CAMTA1: variants seen among roughly 807,000 people sequenced by gnomAD.
The protein encoded by CAMTA1 is calmodulin-binding transcription activator 1.
Under a neutral mutation model 170.9 loss-of-function variants are expected in CAMTA1, and 27 were observed. That is an observed-to-expected ratio of 0.16 (90% CI 0.12 to 0.22). CAMTA1 has a LOEUF of 0.22. Among genes scored for constraint, CAMTA1 ranks in the 10% least tolerant of loss-of-function variants. CAMTA1 has a pLI of 1.00. For synonymous variants in CAMTA1, 833 were observed against 891.5 expected, an observed-to-expected ratio of 0.93 and a Z score of 1.17; for missense variants, 1,619 against 2,217.2, an observed-to-expected ratio of 0.73 and a Z score of 5.42.
At chr1:7,112,262 G>A (rs1336098112) in intron 4 of CAMTA1, among the ~76,000 whole-genome samples, 1 of 152,102 alleles carries the variant, frequency 6.6e-6, no homozygotes, top group Non-Finnish European at 1.5e-5. Context: ...TAGGACATTG[G>A]ACTGTATGAC....
chr1:6,872,225 C>T (rs1357577974), intron 3 of CAMTA1, among the ~76,000 whole-genome samples: 1 of 144,322 alleles, frequency 6.9e-6, no homozygotes, highest in East Asian at 2.1e-4. Context: ...ACACATACAC[C>T]CTCACCATCA....
intron 1 of CAMTA1, among the ~76,000 whole-genome samples, chr1:6,794,056 T>C (rs1641859129): frequency 2.0e-5 from 3 of 152,190 alleles, no homozygotes; most frequent in African/African-American, 7.2e-5. Context: ...CTCAAAGTGA[T>C]GACTGGAAGT....
chr1:7,386,186 G>T (rs115352897), intron 5 of CAMTA1, among the ~76,000 whole-genome samples: 2,152 of 152,306 alleles, frequency 0.014, 51 homozygotes, highest in African/African-American at 0.048. Context: ...CTTTTCATCT[G>T]GGACAAGTTT....
chr1:7,620,791 C>T (rs900833464), intron 6 of CAMTA1, among the ~76,000 whole-genome samples: 10 of 152,214 alleles, frequency 6.6e-5, no homozygotes, highest in African/African-American at 1.4e-4. Context: ...AAATTTTGGC[C>T]GGGGCTGAGA....
Position 7,663,661 on chromosome 1 carries a change from A to G in CAMTA1, c.1114A>G (p.Met372Val). The change falls in exon 9 of 23, where the codon ATG becomes GTG. Residue 372 changes from methionine to valine, a missense_variant. Coordinates refer to ENST00000303635, the MANE Select transcript of CAMTA1 (RefSeq NM_015215.4). ...ISSGLNSDPD[M>V]VDSPVVTGVS... ...CAGCGGGCTCAACAGCGACCCGGAC[A>G]TGGTGGACAGCCCGGTGGTCACAGG... The G allele has an allele frequency of 1.2e-6, 2 of 1,614,172 alleles. No homozygotes were observed. The highest frequency in any genetic ancestry group is 1.7e-6 in the Non-Finnish European group (2 of 1,180,032).
intron 5 of CAMTA1, among the ~76,000 whole-genome samples, chr1:7,394,102 G>C (rs1331749137): frequency 2.0e-5 from 3 of 152,166 alleles, no homozygotes; most frequent in Non-Finnish European, 4.4e-5. Context: ...TTCATCTGCT[G>C]ATGAACACTT....
intron 4 of CAMTA1, among the ~76,000 whole-genome samples, chr1:7,104,105 C>T (rs1193254148): frequency 1.6e-5 from 2 of 122,808 alleles, no homozygotes; most frequent in African/African-American, 5.9e-5. Flanking sequence ...TACACAACTA[C>T]ACACATGTAC....
chr1:7,253,577 C>T (rs1239276643), intron 5 of CAMTA1, among the ~76,000 whole-genome samples: 1 of 152,176 alleles, frequency 6.6e-6, no homozygotes, highest in East Asian at 1.9e-4. Flanking sequence ...TTCCTATATA[C>T]CAGGTATATC....
chr1:6,909,356 A>G (rs191164455), intron 3 of CAMTA1, among the ~76,000 whole-genome samples: 6 of 152,380 alleles, frequency 3.9e-5, no homozygotes, highest in Admixed American at 3.9e-4. Flanking sequence ...TAGTTATTTC[A>G]TTCTCAGGAA....
chr1:7,744,574 T>G (rs572820592), intron 16 of CAMTA1, among the ~76,000 whole-genome samples: 40 of 152,318 alleles, frequency 2.6e-4, no homozygotes, highest in African/African-American at 9.4e-4. Flanking sequence ...AGGGAGTACA[T>G]ACAAGCCAGA....
intron 5 of CAMTA1, among the ~76,000 whole-genome samples, chr1:7,420,425 C>T (rs1575219595): frequency 6.6e-6 from 1 of 152,128 alleles, no homozygotes; most frequent in Non-Finnish European, 1.5e-5. Flanking sequence ...AGTGGAGCTT[C>T]GTGGGGCCAC....
Position 7,435,787 on chromosome 1 carries a change from C to A in CAMTA1, c.439-32043C>A, listed in dbSNP as rs2092328975. Among the ~76,000 whole-genome samples, 1 of 152,200 alleles carries A rather than the reference C, an allele frequency of 6.6e-6. No homozygotes were observed. Among genetic ancestry groups the A allele is most frequent in the East Asian group, 1.9e-4 (1 of 5,176 alleles). On this transcript the variant is annotated intron_variant, in intron 5 of 22. Transcript: ENST00000303635. The surrounding 1 kb of genome is among the most constrained non-coding windows in gnomAD (Gnocchi z 4.4). ...AAGTCAGGGCAATCCACGCAGAGAGCCCTCCTCATGGCCCGGCTCAGGGAG... is the reference window on the plus strand; with the variant it reads ...AAGTCAGGGCAATCCACGCAGAGAGACCTCCTCATGGCCCGGCTCAGGGAG...
At position 7,518,583 on chromosome 1, in the gene CAMTA1, C is replaced by A. The variant is rs76626907; in HGVS notation, c.510+50682C>A. 3.8e-3 allele frequency among the ~76,000 whole-genome samples: 576 copies of A among 152,140 alleles called. 14 individuals are homozygous for A. Among genetic ancestry groups the A allele is most frequent in the African/African-American group, 0.013 (543 of 41,400 alleles). On this transcript the variant is annotated intron_variant, in intron 6 of 22. Coordinates refer to ENST00000303635, the MANE Select transcript of CAMTA1 (RefSeq NM_015215.4). ...GTCGGGCCGCCTTGGGGTCCAGGAG[C>A]CTGGGCCGCCCACACTGCCCTCAGG...
rs2092332074 is a variant in CAMTA1, at chr1:7,435,877, G to T, written c.439-31953G>T. ...TTGCATGCCTCCGAGCTCACAGCAT[G>T]ACCCAGGGGCCTGGCTGTGCTGCAC... On this transcript the variant is annotated intron_variant, in intron 5 of 22. Transcript: ENST00000303635. The surrounding 1 kb of genome is among the most constrained non-coding windows in gnomAD (Gnocchi z 4.4). Among the ~76,000 whole-genome samples, 1 of 152,168 alleles carries T rather than the reference G, an allele frequency of 6.6e-6. No homozygotes were observed. The highest frequency in any genetic ancestry group is 2.1e-4 in the South Asian group (1 of 4,826).
intron 5 of CAMTA1, among the ~76,000 whole-genome samples, chr1:7,338,873 T>C (rs1003553335): frequency 6.6e-6 from 1 of 152,216 alleles, no homozygotes; most frequent in African/African-American, 2.4e-5. Context: ...AGAGGTTTAA[T>C]TGGCTCACAG....
intron 6 of CAMTA1, among the ~76,000 whole-genome samples, chr1:7,601,549 C>A (rs1460470561): frequency 2.0e-5 from 3 of 152,232 alleles, no homozygotes; most frequent in African/African-American, 7.2e-5. Context: ...GGCGGCCGGG[C>A]AGAGGCTGCA....
chr1:7,351,991 A>G (rs845237), intron 5 of CAMTA1, among the ~76,000 whole-genome samples: 138,908 of 152,254 alleles, frequency 0.91, 63,440 homozygotes, highest in East Asian at 1. Flanking sequence ...CATGAAACAG[A>G]AAAGCAGAGA....
chr1:7,707,171 A>G (rs751270901), intron 11 of CAMTA1, among the ~76,000 whole-genome samples: 3 of 152,076 alleles, frequency 2.0e-5, no homozygotes, highest in Admixed American at 6.5e-5. Context: ...GGCGTGAGCC[A>G]CCGTGCCTGG....
rs1707567753 is a variant in CAMTA1 at position 7,057,681 on chromosome 1, C to T, written c.235-33623C>T. ...CATTTCGTTTACACTTATGTGAGGC[C>T]TTTCTTTGAGCCTCTTAGACAGTTA... On this transcript the variant is annotated intron_variant, in intron 3 of 22. Coordinates refer to ENST00000303635, the MANE Select transcript of CAMTA1 (RefSeq NM_015215.4). Among the ~76,000 whole-genome samples, 4 of 152,204 alleles carry T rather than the reference C, an allele frequency of 2.6e-5. No homozygotes were observed. The South Asian group carries it at 8.3e-4, about 32-fold the overall frequency.
Sources: allele counts gnomAD v4.1 joint callset (sites outside exome capture counted in the v4.1 genomes callset), GRCh38; gene constraint gnomAD v4.1.1; non-coding constraint Gnocchi (gnomAD v3.1); transcripts MANE v1.5; gene names NCBI Gene and HGNC (gene_info 2026-07-23, HGNC 2026-07-21).